Variants in TCEA3 observed in about 807,000 individuals in gnomAD.
The protein encoded by TCEA3 is transcription elongation factor A protein 3.
Under a neutral mutation model 44.0 loss-of-function variants are expected in TCEA3, and 36 were observed. The ratio of observed to expected loss-of-function variants is 0.82; its 90% CI spans 0.63 to 1.08. The LOEUF (loss-of-function observed/expected upper bound fraction) is 1.08. Ranked by LOEUF, TCEA3 falls within the 50% of genes least tolerant of loss-of-function variation. TCEA3 has a pLI of 0.00. For synonymous variants in TCEA3, 162 were observed against 159.7 expected (o/e 1.01, Z -0.11); for missense variants, 392 against 441.2 (o/e 0.89, Z 1.00).
chr1:23,405,440 C>CA (rs1639515803), intron 5 of TCEA3, among the ~76,000 whole-genome samples: 1 of 151,930 alleles, frequency 6.6e-6, no homozygotes, highest in South Asian at 2.1e-4. Flanking sequence ...ACTAAAAATA[C>CA]AAAAAATTAG....
At chr1:23,421,900 G>A (rs188455255) in intron 1 of TCEA3, among the ~76,000 whole-genome samples, 82 of 152,304 alleles carry the variant, frequency 5.4e-4, no homozygotes, top group African/African-American at 1.9e-3. Context: ...TGTATGCCTC[G>A]TGTGTCACAG....
intron 1 of TCEA3, among the ~76,000 whole-genome samples, chr1:23,420,375 G>A (rs1640025341): frequency 6.6e-6 from 1 of 152,150 alleles, no homozygotes; most frequent in African/African-American, 2.4e-5. Flanking sequence ...CCGAATAGCT[G>A]GGACCACAGG....
In TCEA3 at chr1:23,383,967, G is replaced by T; in HGVS notation, c.1038+379C>A. 3 of 1,069,086 alleles carry T rather than the reference G, an allele frequency of 2.8e-6. No individual in the cohort carries two copies. In the South Asian group the frequency reaches 1.2e-4, roughly 43 times the overall value. The allele number at this position is 1,069,086 out of a possible 1,614,324, so 66.2% of individuals were successfully genotyped here. On this transcript the variant is annotated intron_variant, in intron 10 of 10. Transcript: ENST00000450454. ...GTTTCCCATCCTTGGCTGTGGCCAG[G>T]TTCAAAGGAAATACCATCTGTGGAA...
At chr1:23,409,132 G>A (rs981408351) in intron 4 of TCEA3, among the ~76,000 whole-genome samples, 2 of 152,184 alleles carry the variant, frequency 1.3e-5, no homozygotes, top group Admixed American at 6.5e-5. Flanking sequence ...AGAGAAATCA[G>A]CTTCAGCCTC....
intron 5 of TCEA3, among the ~76,000 whole-genome samples, chr1:23,399,157 T>TATATATATAC (rs1553167312): frequency 3.7e-5 from 4 of 108,632 alleles, no homozygotes; most frequent in Non-Finnish European, 6.9e-5. Context: ...TATATATATA[T>TATATATATAC]ATATATATAT....
At position 23,397,770 on chromosome 1, in the gene TCEA3, T is replaced by TCCCTAG. The variant is rs1386655345; in HGVS notation, c.607+16_607+21dup. On this transcript the variant is annotated intron_variant, in intron 6 of 10. Transcript: ENST00000450454. ...GAAAAGGGACTCCTTCCCTCCCTCA[T>TCCCTAG]CCCTAGCCCAGGCTCTCTCACCGTC... is the stretch of plus-strand genomic sequence containing the variant. The TCCCTAG allele has an allele frequency of 4.3e-6, 7 of 1,613,710 alleles. No individual in the cohort carries two copies. The African/African-American group carries it at 8.0e-5, about 18-fold the overall frequency.
rs183015520 is a variant in TCEA3 at position 23,420,510 on chromosome 1, C to G, written c.70-1371G>C. 6.6e-5 allele frequency among the ~76,000 whole-genome samples: 10 copies of G among 152,326 alleles called. No individual in the cohort carries two copies. The East Asian group carries it at 1.5e-3, about 24-fold the overall frequency. On this transcript the variant is annotated intron_variant, in intron 1 of 10. Coordinates refer to ENST00000450454, the MANE Select transcript of TCEA3 (RefSeq NM_003196.3). The stretch of plus-strand genomic sequence containing the variant: ...CCTCCTGCCTCGGCCTCCCAAAGTG[C>G]TGGGATTACAGGCGTGAGCCACCAC...
At chr1:23,398,132 T>C (rs2148559600) in intron 5 of TCEA3, among the ~76,000 whole-genome samples, 177 bp from the exon 6 acceptor site, 1 of 152,190 alleles carries the variant, frequency 6.6e-6, no homozygotes, top group African/African-American at 2.4e-5. Context: ...GACAACCCCA[T>C]GAGGTTGATA....
chr1:23,424,489 C>T (rs1640160151), intron 1 of TCEA3, 76 bp downstream of exon 1: 2 of 1,384,904 alleles, frequency 1.4e-6, no homozygotes, highest in Non-Finnish European at 2.0e-6. Flanking sequence ...CCCGCCAGTA[C>T]GTCCCCACCC....
At chr1:23,417,531 C>T in intron 3 of TCEA3, 141 bp from the exon 4 acceptor site, 1 of 1,325,768 alleles carries the variant, frequency 7.5e-7, no homozygotes, top group Non-Finnish European at 1.0e-6. Context: ...CACATTTACA[C>T]ACAAATGCAC....
At chr1:23,406,874 G>T (rs866783707) in intron 5 of TCEA3, among the ~76,000 whole-genome samples, 1 of 152,060 alleles carries the variant, frequency 6.6e-6, no homozygotes, top group Non-Finnish European at 1.5e-5. Context: ...TGCCCGCCTC[G>T]GCCTCCTAAA....
At chr1:23,408,529 A>G (rs1363658464) in intron 5 of TCEA3, 135 bp downstream of exon 5, 5 of 867,964 alleles carry the variant, frequency 5.8e-6, no homozygotes, top group Non-Finnish European at 8.8e-6. Flanking sequence ...TGGGTCTTAG[A>G]ATACGGGGGC....
Position 23,417,410 on chromosome 1 carries a change from A to G in TCEA3, c.239-20T>C, listed in dbSNP as rs1639925717. On this transcript the variant is annotated intron_variant, in intron 3 of 10. Transcript: ENST00000450454. ...GGGAGTCTGAAAACAAAAGGGTGGC[A>G]TTGTCCCTCAGCTAAGCTCTGTCTC... The G allele has an allele frequency of 1.6e-5, 25 of 1,610,264 alleles. No homozygotes were observed. Among genetic ancestry groups the G allele is most frequent in the Non-Finnish European group, 2.1e-5 (25 of 1,178,788 alleles).
In TCEA3 at chr1:23,381,468, A is replaced by G. The variant is rs747471637; in HGVS notation, c.1045T>C (p.Ter349ArgextTer6). 9.0e-6 allele frequency: 7 copies of G among 780,738 alleles called. No homozygotes were observed. The African/African-American group carries it at 1.2e-4, about 13-fold the overall frequency. The allele number at this position is 780,738 out of a possible 1,614,324, so 48.4% of individuals were successfully genotyped here. A position where few individuals can be genotyped will look rare whatever the true frequency, so the allele number is the denominator to read the frequency against. Residue 349 changes from the stop codon to arginine (R), a stop_lost, in exon 11 of 11, where the codon TGA becomes CGA. Transcript: ENST00000450454. Reference sequence around the variant, plus strand: ...CTTGTTCATGGCTGGCTGTTCCATCAGCAGAACTACAAAACCAGAAAGGCA... The same window carrying G: ...CTTGTTCATGGCTGGCTGTTCCATCGGCAGAACTACAAAACCAGAAAGGCA... Reference protein sequence around the residue: ...NECGNRWKFC* With the variant: ...NECGNRWKFCR
intron 5 of TCEA3, 67 bp downstream of exon 5, chr1:23,408,597 T>C: frequency 6.6e-7 from 1 of 1,521,790 alleles, no homozygotes; most frequent in Non-Finnish European, 8.9e-7. Context: ...GCTTCCTCCA[T>C]AAAAACAGAG....
In TCEA3 at chr1:23,424,693, CA is replaced by C. The variant is rs1640170089; in HGVS notation, c.-61del. ...AGGGGCAGCAGTAGGGCCTCGGGGG[CA>C]GGAGGCGCGAAGGCGGAGGGCGCGC... is the stretch of plus-strand genomic sequence containing the variant. On this transcript the variant is annotated 5_prime_UTR_variant, in exon 1 of 11. Transcript: ENST00000450454. 1 of 1,390,964 alleles carries C rather than the reference CA, an allele frequency of 7.2e-7. No individual in the cohort carries two copies. The highest frequency in any genetic ancestry group is 1.4e-5 in the African/African-American group (1 of 69,140). 86.2% of individuals were successfully genotyped at this position (1,390,964 alleles called of 1,614,324 possible).
chr1:23,402,731 T>A (rs923470245), intron 5 of TCEA3, among the ~76,000 whole-genome samples: 33 of 152,326 alleles, frequency 2.2e-4, no homozygotes, highest in African/African-American at 7.9e-4. Flanking sequence ...TGCCTCCATC[T>A]CCAGATTACA....
At chr1:23,404,198 G>C in intron 5 of TCEA3, 1 of 702,204 alleles carries the variant, frequency 1.4e-6, no homozygotes, top group Non-Finnish European at 2.6e-6. Flanking sequence ...CAGGTAAAAG[G>C]ACAACTGAGA....
intron 4 of TCEA3, 78 bp from the exon 5 acceptor site, chr1:23,408,804 C>T: frequency 7.1e-7 from 1 of 1,405,304 alleles, no homozygotes; most frequent in South Asian, 1.3e-5. Flanking sequence ...AGAAAGCATC[C>T]TGGGAAAAGG....
Sources: allele counts gnomAD v4.1 joint callset (sites outside exome capture counted in the v4.1 genomes callset), GRCh38; gene constraint gnomAD v4.1.1; transcripts MANE v1.5; gene names NCBI Gene and HGNC (gene_info 2026-07-23, HGNC 2026-07-21).